The following ZMYM4 variants were observed in gnomAD, a reference collection of about 807,000 sequenced individuals.
ZMYM4 encodes the protein zinc finger MYM-type containing 4.
ZMYM4 carries 31 observed loss-of-function variants against 183.2 expected under a neutral mutation model. The ratio of observed to expected loss-of-function variants is 0.17; its 90% CI spans 0.13 to 0.23. The LOEUF (loss-of-function observed/expected upper bound fraction) is 0.23. Among genes scored for constraint, ZMYM4 ranks in the 10% least tolerant of loss-of-function variants. The probability of loss-of-function intolerance (pLI) is 1.00; values close to 1 mark genes in which losing one functional copy is unlikely to be tolerated. For synonymous variants in ZMYM4, 592 were observed against 631.2 expected, an observed-to-expected ratio of 0.94 and a Z score of 0.93; for missense variants, 1,273 against 1,840.3, an observed-to-expected ratio of 0.69 and a Z score of 5.64.
intron 1 of ZMYM4, among the ~76,000 whole-genome samples, chr1:35,270,317 C>T (rs1339874151): frequency 6.6e-6 from 1 of 152,082 alleles, no homozygotes; most frequent in Non-Finnish European, 1.5e-5. Context: ...GTGTTTCTCT[C>T]CTTAAAAGCT....
chr1:35,386,225 T>G, intron 11 of ZMYM4, 36 bp downstream of exon 11: 2 of 1,459,762 alleles, frequency 1.4e-6, no homozygotes, highest in African/African-American at 2.8e-5. Flanking sequence ...CTTCAGTCAG[T>G]GAGTCACCTA....
chr1:35,350,646 G>T, intron 2 of ZMYM4: 1 of 207,742 alleles, frequency 4.8e-6, no homozygotes. Flanking sequence ...AAACAAAAAT[G>T]TGCCCTTCCC....
In ZMYM4 at chr1:35,314,067, T is replaced by A. The variant is rs545053299; in HGVS notation, c.40-11293T>A. ...TTTTACCTTAAATAATTGAGAAAAC[T>A]TTTATTTGTTGTTTTAGTTATAAGT... On this transcript the variant is annotated intron_variant, in intron 1 of 29. Transcript: ENST00000314607. Among the ~76,000 whole-genome samples the A allele has an allele frequency of 5.9e-5, 9 of 152,248 alleles. No homozygotes were observed. In the East Asian group the frequency reaches 1.2e-3, roughly 20 times the overall value.
intron 2 of ZMYM4, among the ~76,000 whole-genome samples, chr1:35,331,675 T>G (rs1277497647): frequency 1.3e-5 from 2 of 151,956 alleles, no homozygotes; most frequent in East Asian, 3.9e-4. Flanking sequence ...TAATCCCAGC[T>G]ATCTGGGAGG....
In ZMYM4 at chr1:35,381,351, A is replaced by G; in HGVS notation, c.1274A>G (p.Tyr425Cys). The G allele has an allele frequency of 6.2e-7, 1 of 1,613,588 alleles. No homozygotes were observed. The highest frequency in any genetic ancestry group is 8.5e-7 in the Non-Finnish European group (1 of 1,179,748). ...DFCSQSCLSTYELKKKPIVTI... is the reference protein window; with the variant it reads ...DFCSQSCLSTCELKKKPIVTI... ...TGCAGTCAGTCATGTTTGTCAACAT[A>G]TGAACTGAAAAAAAAACCTATTGTT... Residue 425 changes from tyrosine to cysteine, a missense_variant, in exon 8 of 30, where the codon TAT becomes TGT. This residue lies in a region of ZMYM4 where 319 missense variants were observed against 518.1 expected (regional missense o/e 0.62). Transcript: ENST00000314607.
chr1:35,351,373 A>T (rs1570413329), intron 2 of ZMYM4: 1 of 1,576,334 alleles, frequency 6.3e-7, no homozygotes, highest in East Asian at 2.2e-5. Flanking sequence ...GAAGATGCTT[A>T]CAAGAAACAG....
intron 1 of ZMYM4, among the ~76,000 whole-genome samples, chr1:35,294,164 G>A (rs529017403): frequency 6.6e-6 from 1 of 150,978 alleles, no homozygotes; most frequent in Admixed American, 6.6e-5. Context: ...CAAAATGTTT[G>A]TTCCAATTAT....
Position 35,413,956 on chromosome 1 carries a change from T to G in ZMYM4, c.3949-16T>G. On this transcript the variant is annotated splice_polypyrimidine_tract_variant and intron_variant, in intron 26 of 29. Coordinates refer to ENST00000314607, the MANE Select transcript of ZMYM4 (RefSeq NM_005095.3). ...CTTTTTATCAACATGTATATTTTCT[T>G]TTTTTTTTCTTGTAGTACCTGTTTG... 1 of 1,337,308 alleles carries G rather than the reference T, an allele frequency of 7.5e-7. No homozygotes were observed. The highest frequency in any genetic ancestry group is 1.0e-6 in the Non-Finnish European group (1 of 969,160). The allele number at this position is 1,337,308 out of a possible 1,614,324, so 82.8% of individuals were successfully genotyped here. A position where few individuals can be genotyped will look rare whatever the true frequency, so the allele number is the denominator to read the frequency against.
At chr1:35,347,998 A>G (rs1041905589) in intron 2 of ZMYM4, among the ~76,000 whole-genome samples, 4 of 152,122 alleles carry the variant, frequency 2.6e-5, no homozygotes, top group African/African-American at 9.7e-5. Context: ...TGAATGTTTT[A>G]TCAGTTTATA....
At chr1:35,379,532 G>T (rs1055321046) in intron 7 of ZMYM4, among the ~76,000 whole-genome samples, 1 of 151,964 alleles carries the variant, frequency 6.6e-6, no homozygotes, top group African/African-American at 2.4e-5. Context: ...CGCCACGCCC[G>T]GCCAACTGTT....
chr1:35,305,684 C>T (rs1641504908), intron 1 of ZMYM4, among the ~76,000 whole-genome samples: 1 of 152,088 alleles, frequency 6.6e-6, no homozygotes. Context: ...GCTGGAACTA[C>T]AGGTACACAC....
intron 2 of ZMYM4, among the ~76,000 whole-genome samples, chr1:35,346,002 T>C (rs1295586307): frequency 6.6e-6 from 1 of 152,218 alleles, no homozygotes; most frequent in Non-Finnish European, 1.5e-5. Context: ...ATGAATTCAG[T>C]TATTCTGTAT....
intron 2 of ZMYM4, chr1:35,358,690 C>T (rs1173902833): frequency 3.4e-5 from 14 of 417,554 alleles, no homozygotes; most frequent in Admixed American, 2.0e-4. Context: ...CTCTATATCA[C>T]GTAGCTTTCT....
intron 1 of ZMYM4, among the ~76,000 whole-genome samples, chr1:35,308,081 TC>T (rs2148771222): frequency 6.6e-6 from 1 of 152,288 alleles, no homozygotes; most frequent in East Asian, 1.9e-4. Flanking sequence ...AACCTCCACC[TC>T]CTGGGTTCAA....
intron 1 of ZMYM4, among the ~76,000 whole-genome samples, chr1:35,287,553 G>A (rs906621247): frequency 6.6e-6 from 1 of 151,584 alleles, no homozygotes; most frequent in Non-Finnish European, 1.5e-5. Flanking sequence ...CACACCTAGT[G>A]CCCTCCCCTT....
intron 1 of ZMYM4, among the ~76,000 whole-genome samples, chr1:35,284,797 A>C (rs1640387938): frequency 6.6e-6 from 1 of 152,150 alleles, no homozygotes; most frequent in Admixed American, 6.5e-5. Flanking sequence ...TTGTGAGGTG[A>C]GAGAGAGTGT....
intron 15 of ZMYM4, 97 bp from the exon 16 acceptor site, chr1:35,392,115 T>C: frequency 6.6e-7 from 1 of 1,520,344 alleles, no homozygotes; most frequent in Non-Finnish European, 9.0e-7. Context: ...CAGAAATTAC[T>C]CAAACCTGAA....
At chr1:35,303,181 C>A (rs1352586372) in intron 1 of ZMYM4, among the ~76,000 whole-genome samples, 1 of 149,826 alleles carries the variant, frequency 6.7e-6, no homozygotes, top group African/African-American at 2.5e-5. Flanking sequence ...GCCAGCTACT[C>A]TGGAGGCTGA....
rs1417694668 is a variant in ZMYM4 at position 35,385,513 on chromosome 1, C to T, written c.1641C>T (p.Thr547=). The stretch of plus-strand genomic sequence containing the variant: ...CCTCAGCAGAAATGATTGAAAATAC[C>T]AATAGCTTGGGGAAGACAGAGCTTT... ...LRSSAEMIEN[T]NSLGKTELFC... is the part of the protein sequence containing the mutation. The change falls in exon 10 of 30, where the codon ACC becomes ACT. Residue 547 remains threonine (T), a synonymous_variant. Coordinates refer to ENST00000314607, the MANE Select transcript of ZMYM4 (RefSeq NM_005095.3). The T allele has an allele frequency of 6.2e-7, 1 of 1,613,392 alleles. No homozygotes were observed. Among genetic ancestry groups the T allele is most frequent in the South Asian group, 1.1e-5 (1 of 90,920 alleles).
Sources: allele counts gnomAD v4.1 joint callset (sites outside exome capture counted in the v4.1 genomes callset), GRCh38; gene constraint gnomAD v4.1.1; regional missense constraint gnomAD v4.1.1; transcripts MANE v1.5; gene names NCBI Gene and HGNC (gene_info 2026-07-23, HGNC 2026-07-21).